The following GNPNAT1 variants were observed in gnomAD, a reference collection of about 807,000 sequenced individuals.
GNPNAT1 encodes the protein glucosamine-phosphate N-acetyltransferase 1.
Under a neutral mutation model 19.8 loss-of-function variants are expected in GNPNAT1, and 11 were observed. That is an observed-to-expected ratio of 0.56 (90% CI 0.35 to 0.92). GNPNAT1 has a LOEUF of 0.92. GNPNAT1 is among the 40% of genes least tolerant of loss of function. GNPNAT1 has a pLI of 0.01. For synonymous variants in GNPNAT1, 71 were observed against 72.3 expected, an observed-to-expected ratio of 0.98 and a Z score of 0.09; for missense variants, 157 against 211.0, an observed-to-expected ratio of 0.74 and a Z score of 1.59.
At chr14:52,784,995 G>A (rs545277030) in intron 1 of GNPNAT1, among the ~76,000 whole-genome samples, 14 of 143,334 alleles carry the variant, frequency 9.8e-5, no homozygotes, top group African/African-American at 2.8e-4. Context: ...GCGTGATCCC[G>A]GCTCACTGCA....
At position 52,784,552 on chromosome 14, in the gene GNPNAT1, T is replaced by C. The variant is rs1882966381; in HGVS notation, c.99A>G (p.Thr33=). 2 of 1,609,720 alleles carry C rather than the reference T, an allele frequency of 1.2e-6. No individual in the cohort carries two copies. The change falls in exon 2 of 6, where the codon ACA becomes ACG. Residue 33 remains threonine, a synonymous_variant. Coordinates refer to ENST00000216410, the MANE Select transcript of GNPNAT1 (RefSeq NM_198066.4). ...TCAAAACCAAGCCTTCTCCAGGATG[T>C]GTTGGGGAAATGGCTGGAGAAAATG... ...TATFSPAISP[T]HPGEGLVLRP...
intron 1 of GNPNAT1, among the ~76,000 whole-genome samples, chr14:52,788,494 A>C (rs143807843): frequency 4.2e-4 from 64 of 152,266 alleles, no homozygotes; most frequent in Admixed American, 1.3e-3. Context: ...TCTAAATTGG[A>C]CCCTTGAGGT....
intron 1 of GNPNAT1, among the ~76,000 whole-genome samples, chr14:52,788,153 C>T (rs1415846295): frequency 6.6e-6 from 1 of 151,894 alleles, no homozygotes; most frequent in Non-Finnish European, 1.5e-5. Context: ...CAGGGTTTTA[C>T]TCTGTTGCCC....
In GNPNAT1 at chr14:52,777,133, C is replaced by T. The variant is rs989973911; in HGVS notation, c.*1178G>A. 3 of 152,364 alleles carry T rather than the reference C, an allele frequency of 2.0e-5. No homozygotes were observed. The highest frequency in any genetic ancestry group is 6.5e-5 in the Admixed American group (1 of 15,282). 9.4% of individuals were successfully genotyped at this position (152,364 alleles called of 1,614,324 possible). ...GTGTGAGTCAATGGGATGAGAAACA[C>T]TGGTATTTTCTTTACAATTTCATTT... On this transcript the variant is annotated 3_prime_UTR_variant, in exon 6 of 6. Coordinates refer to ENST00000216410, the MANE Select transcript of GNPNAT1 (RefSeq NM_198066.4).
chr14:52,789,420 A>G (rs908139027), intron 1 of GNPNAT1, among the ~76,000 whole-genome samples: 2 of 152,246 alleles, frequency 1.3e-5, no homozygotes, highest in Non-Finnish European at 2.9e-5. Flanking sequence ...GAAAATGGGA[A>G]TCAGACTAGT....
At position 52,791,112 on chromosome 14, in the gene GNPNAT1, C is replaced by T. The variant is rs1183619481; in HGVS notation, c.-15+316G>A. The stretch of plus-strand genomic sequence containing the variant: ...GCGACCAACTGTCTCATTTCCCACG[C>T]CAAAGTCTGGGGAGCGAAGTTCCGA... On this transcript the variant is annotated intron_variant, in intron 1 of 5. Transcript: ENST00000216410. This position sits in a 1 kb window ranked among gnomAD's most constrained non-coding sequence, Gnocchi z 4.1. Among the ~76,000 whole-genome samples, 4 of 152,144 alleles carry T rather than the reference C, an allele frequency of 2.6e-5. No individual in the cohort carries two copies. The highest frequency in any genetic ancestry group is 4.8e-5 in the African/African-American group (2 of 41,446).
At chr14:52,790,011 T>C (rs1233002511) in intron 1 of GNPNAT1, among the ~76,000 whole-genome samples, 3 of 144,738 alleles carry the variant, frequency 2.1e-5, no homozygotes, top group Non-Finnish European at 3.0e-5. Context: ...AAAAAAAAAT[T>C]CCCAAACTGC....
intron 1 of GNPNAT1, among the ~76,000 whole-genome samples, chr14:52,785,626 G>A (rs1383165766): frequency 6.6e-6 from 1 of 151,680 alleles, no homozygotes; most frequent in Non-Finnish European, 1.5e-5. Flanking sequence ...GGGAGGCTGA[G>A]GCAGGAGAAT....
intron 5 of GNPNAT1, among the ~76,000 whole-genome samples, chr14:52,780,165 C>A (rs1208063834): frequency 6.6e-6 from 1 of 152,016 alleles, no homozygotes; most frequent in Admixed American, 6.6e-5. Flanking sequence ...CAAAAACAGA[C>A]CCTGTCTCAA....
chr14:52,780,883 G>A (rs918538839), intron 4 of GNPNAT1, 143 bp from the exon 5 acceptor site: 1 of 546,486 alleles, frequency 1.8e-6, no homozygotes, highest in African/African-American at 1.9e-5. Flanking sequence ...ATATTATACA[G>A]TGAAGGCTGT....
Position 52,780,038 on chromosome 14 carries a change from G to A in GNPNAT1, c.407+641C>T, listed in dbSNP as rs114366703. On this transcript the variant is annotated intron_variant, in intron 5 of 5. Transcript: ENST00000216410. Reference sequence around the variant, plus strand: ...TTTTTAAAAATTAGCCAGGTGTGGCGTGTACCTGTAGTCCCAGCTAATTGG... The same window carrying A: ...TTTTTAAAAATTAGCCAGGTGTGGCATGTACCTGTAGTCCCAGCTAATTGG... 3.9e-3 allele frequency among the ~76,000 whole-genome samples: 586 copies of A among 152,010 alleles called. 6 individuals carry two copies. Among genetic ancestry groups the A allele is most frequent in the African/African-American group, 0.013 (522 of 41,460 alleles).
chr14:52,779,117 C>G (rs1186463994), intron 5 of GNPNAT1, among the ~76,000 whole-genome samples: 1 of 152,018 alleles, frequency 6.6e-6, no homozygotes, highest in Non-Finnish European at 1.5e-5. Flanking sequence ...TTATTTAAAT[C>G]TATTTAAACA....
intron 1 of GNPNAT1, among the ~76,000 whole-genome samples, chr14:52,790,108 T>A (rs1257182173): frequency 6.6e-6 from 1 of 152,180 alleles, no homozygotes; most frequent in Non-Finnish European, 1.5e-5. Flanking sequence ...GAATATTTTT[T>A]AAACAAAACT....
intron 1 of GNPNAT1, among the ~76,000 whole-genome samples, chr14:52,787,326 G>A (rs976181652): frequency 3.9e-5 from 6 of 152,090 alleles, no homozygotes; most frequent in African/African-American, 1.2e-4. Context: ...ATAATCCTAT[G>A]TAACTATATA....
chr14:52,789,961 T>G (rs1245506203), intron 1 of GNPNAT1, among the ~76,000 whole-genome samples: 1 of 130,308 alleles, frequency 7.7e-6, no homozygotes, highest in Non-Finnish European at 1.5e-5. Flanking sequence ...TACCTGTAGG[T>G]CACATTTCAG....
intron 1 of GNPNAT1, among the ~76,000 whole-genome samples, chr14:52,790,063 G>C (rs1883129728): frequency 6.7e-6 from 1 of 150,008 alleles, no homozygotes; most frequent in Non-Finnish European, 1.5e-5. Flanking sequence ...ATTTTTACTA[G>C]TCATCACATC....
In GNPNAT1 at chr14:52,783,444, C is replaced by T. The variant is rs1282868453; in HGVS notation, c.196G>A (p.Val66Ile). ...TTACTCATAAATTGTTCAGGGCTGA[C>T]AACTCCAGTCTCTGTTAGCTGACCC... is the stretch of plus-strand genomic sequence containing the variant. ...VLGQLTETGV[V>I]SPEQFMKSFE... The change falls in exon 3 of 6, where the codon GTC becomes ATC. Residue 66 changes from valine (V) to isoleucine (I), a missense_variant. By Grantham distance (29) the Val-to-Ile change is conservative. Coordinates refer to ENST00000216410, the MANE Select transcript of GNPNAT1 (RefSeq NM_198066.4). 6.2e-7 allele frequency: 1 copy of T among 1,610,192 alleles called. No individual in the cohort carries two copies. Among genetic ancestry groups the T allele is most frequent in the South Asian group, 1.1e-5 (1 of 90,872 alleles).
At position 52,778,400 on chromosome 14, in the gene GNPNAT1, C is replaced by A. The variant is rs1882792618; in HGVS notation, c.466G>T (p.Glu156Ter). ...KKLNCYKITL[E>*]CLPQNVGFYK... ...AAACCAACATTTTGTGGTAGACATT[C>A]AAGGGTAATCTTGTAACAGTTCAGT... Residue 156 changes from glutamate to a stop codon, truncating the protein, a stop_gained, in exon 6 of 6, where the codon GAA becomes TAA. Coordinates refer to ENST00000216410, the MANE Select transcript of GNPNAT1 (RefSeq NM_198066.4). LOFTEE classifies it high-confidence loss of function. The A allele has an allele frequency of 1.2e-6, 2 of 1,608,984 alleles. No individual in the cohort carries two copies. The highest frequency in any genetic ancestry group is 4.5e-5 in the East Asian group (2 of 44,786).
chr14:52,780,396 G>C (rs997751559), intron 5 of GNPNAT1, among the ~76,000 whole-genome samples: 1 of 152,030 alleles, frequency 6.6e-6, no homozygotes, highest in African/African-American at 2.4e-5. Context: ...AGGCAAATCC[G>C]ATTAGCCCAA....
Sources: gnomAD v4.1 joint callset for allele counts (sites outside exome capture counted in the v4.1 genomes callset) on GRCh38, gnomAD v4.1.1 for gene constraint, Gnocchi (gnomAD v3.1) non-coding constraint, MANE v1.5 for transcripts, NCBI Gene and HGNC (gene_info 2026-07-23, HGNC 2026-07-21) for gene names.